The following NPR3 variants were observed in gnomAD, a reference collection of about 807,000 sequenced individuals.
The protein encoded by NPR3 is atrial natriuretic peptide receptor 3.
A neutral mutation model predicts 54.5 loss-of-function variants in NPR3; 34 were observed. The ratio of observed to expected loss-of-function variants is 0.62; its 90% CI spans 0.47 to 0.83. The LOEUF (loss-of-function observed/expected upper bound fraction) is 0.83, where lower values mean the gene tolerates loss of function less well. NPR3 is among the 40% of genes least tolerant of loss of function. The pLI is 0.00. For synonymous variants in NPR3, 289 were observed against 297.1 expected, an observed-to-expected ratio of 0.97 and a Z score of 0.28; for missense variants, 674 against 720.8, an observed-to-expected ratio of 0.94 and a Z score of 0.74.
In NPR3 at chr5:32,692,035, A is replaced by G. The variant is rs952431396; in HGVS notation, c.100+2849A>G. Reference sequence around the variant, plus strand: ...TACAGCATATATTAAACACATTAAGAAGAATCCTATGGAATGAAAGGAATG... The same window carrying G: ...TACAGCATATATTAAACACATTAAGGAGAATCCTATGGAATGAAAGGAATG... On this transcript the variant is annotated intron_variant, in intron 1 of 5. Coordinates refer to the NPR3 transcript ENST00000509104. Among the ~76,000 whole-genome samples the G allele has an allele frequency of 2.6e-5, 4 of 152,362 alleles. No homozygotes were observed. In the East Asian group the frequency reaches 7.7e-4, roughly 29 times the overall value.
At chr5:32,710,557 C>A (rs1579580963), upstream of NPR3, 7 of 1,308,986 alleles carry the variant, frequency 5.3e-6, no homozygotes, top group Non-Finnish European at 7.0e-6. Context: ...GGCACCGCTG[C>A]GATTCCAGCG....
At chr5:32,739,813 G>A (rs1357082802) in intron 3 of NPR3, among the ~76,000 whole-genome samples, 1 of 152,174 alleles carries the variant, frequency 6.6e-6, no homozygotes, top group Non-Finnish European at 1.5e-5. Context: ...TGGGCTAGTT[G>A]AGTAGGTGTG....
chr5:32,738,472 C>T (rs1441896590), intron 2 of NPR3, among the ~76,000 whole-genome samples: 1 of 152,164 alleles, frequency 6.6e-6, no homozygotes, highest in Non-Finnish European at 1.5e-5. Context: ...TTATACCACA[C>T]TAGCCACTTG....
intron 3 of NPR3, among the ~76,000 whole-genome samples, chr5:32,759,560 T>C (rs1316506704): frequency 1.3e-5 from 2 of 152,240 alleles, no homozygotes; most frequent in Non-Finnish European, 2.9e-5. Context: ...CTTTATCCAA[T>C]TTGCCAGTCT....
chr5:32,704,466 C>T (rs528536069), upstream of NPR3, among the ~76,000 whole-genome samples: 6 of 151,812 alleles, frequency 4.0e-5, no homozygotes, highest in Non-Finnish European at 2.9e-5. Context: ...ATTTAGCCAG[C>T]TTGCTCTGTC....
In NPR3 at chr5:32,712,021, G is replaced by T; in HGVS notation, c.245G>T (p.Ser82Ile). 6.2e-7 allele frequency: 1 copy of T among 1,613,718 alleles called. No homozygotes were observed. Among genetic ancestry groups the T allele is most frequent in the African/African-American group, 1.3e-5 (1 of 75,066 alleles). The part of the protein sequence containing the change: ...VRPAIEYALR[S>I]VEGNGTGRRL... ...CCGGCCATCGAGTATGCTCTGCGCA[G>T]CGTGGAGGGCAACGGGACTGGGAGG... The change falls in exon 1 of 8, where the codon AGC becomes ATC. Residue 82 changes from serine (S) to isoleucine (I), a missense_variant. Ser to Ile is a moderately radical substitution (Grantham distance 142, BLOSUM62 -2). Transcript: ENST00000265074.
At chr5:32,713,536 G>C (rs1018635099) in intron 1 of NPR3, 3 of 894,824 alleles carry the variant, frequency 3.4e-6, no homozygotes, top group South Asian at 1.0e-4. Context: ...AGGGAATCCC[G>C]TCTCTGCTCC....
intron 4 of NPR3, among the ~76,000 whole-genome samples, chr5:32,775,921 A>G (rs1260674467): frequency 6.6e-6 from 1 of 152,206 alleles, no homozygotes; most frequent in Non-Finnish European, 1.5e-5. Context: ...TCTCATCTCA[A>G]GCAACTTCTG....
intron 4 of NPR3, among the ~76,000 whole-genome samples, chr5:32,776,928 AC>A (rs1490995475): frequency 6.6e-6 from 1 of 152,028 alleles, no homozygotes; most frequent in Non-Finnish European, 1.5e-5. Flanking sequence ...TTGAGTAGAG[AC>A]CCGAGGGAAG....
chr5:32,718,752 A>C (rs6450924), intron 1 of NPR3, among the ~76,000 whole-genome samples: 33,237 of 152,102 alleles, frequency 0.22, 3,906 homozygotes, highest in Middle Eastern at 0.35. Context: ...TTTTGGGCTG[A>C]GACAATGGGG....
intron 2 of NPR3, among the ~76,000 whole-genome samples, chr5:32,725,474 A>G (rs1431238082): frequency 6.6e-6 from 1 of 152,202 alleles, no homozygotes; most frequent in Non-Finnish European, 1.5e-5. Context: ...CTGTCTGGGT[A>G]TGAGCGTAGC....
chr5:32,754,357 T>C (rs1241375768), intron 3 of NPR3, among the ~76,000 whole-genome samples: 1 of 152,018 alleles, frequency 6.6e-6, no homozygotes, highest in East Asian at 1.9e-4. Flanking sequence ...GTTTTTTTTT[T>C]CTTTTTTTAA....
At chr5:32,764,679 T>C (rs1263220849) in intron 3 of NPR3, among the ~76,000 whole-genome samples, 2 of 149,828 alleles carry the variant, frequency 1.3e-5, no homozygotes, top group Non-Finnish European at 3.0e-5. Flanking sequence ...TCCCAGCTAC[T>C]TGGGAGGCTG....
chr5:32,716,246 G>GA (rs1561079158), intron 1 of NPR3: 1 of 293,220 alleles, frequency 3.4e-6, no homozygotes, highest in South Asian at 3.2e-5. Context: ...TAGAAAGTGA[G>GA]AAAACTACAC....
In NPR3 at chr5:32,711,875, C is replaced by T. The variant is rs1239390735; in HGVS notation, c.99C>T (p.Gly33=). 1.6e-5 allele frequency: 24 copies of T among 1,459,016 alleles called. No homozygotes were observed. Among genetic ancestry groups the T allele is most frequent in the Admixed American group, 8.6e-5 (3 of 34,862 alleles). 90.4% of individuals were successfully genotyped at this position (1,459,016 alleles called of 1,614,324 possible). The change falls in exon 1 of 8, where the codon GGC becomes GGT. Residue 33 remains glycine (G), a synonymous_variant. Coordinates refer to ENST00000265074, the MANE Select transcript of NPR3 (RefSeq NM_001204375.2). ...GTGGCGGTGGCGTTGGCGGCGGCGG[C>T]GGTGGCGCGGGCATAGGCGGCGGAC... The part of the protein sequence containing the change: ...GTGGGGVGGG[G]GGAGIGGGRQ...
Position 32,712,154 on chromosome 5 carries a change from C to T in NPR3, c.378C>T (p.Ala126=). 3 of 1,613,310 alleles carry T rather than the reference C, an allele frequency of 1.9e-6. No homozygotes were observed. The highest frequency in any genetic ancestry group is 2.5e-6 in the Non-Finnish European group (3 of 1,179,778). Residue 126 remains alanine (A), a synonymous_variant, in exon 1 of 8, where the codon GCC becomes GCT. Coordinates refer to ENST00000265074, the MANE Select transcript of NPR3 (RefSeq NM_001204375.2). ...LVDRVAAARG[A]KPDLILGPVC... The stretch of plus-strand genomic sequence containing the variant: ...ACCGCGTGGCGGCGGCGCGGGGCGC[C>T]AAGCCAGACCTTATCCTGGGGCCAG...
At chr5:32,766,564 T>C (rs975402586) in intron 3 of NPR3, among the ~76,000 whole-genome samples, 2 of 152,184 alleles carry the variant, frequency 1.3e-5, no homozygotes, top group Non-Finnish European at 2.9e-5. Context: ...CCTGGAAAAT[T>C]TGCTTATTTG....
At chr5:32,719,787 T>C (rs74883423) in intron 1 of NPR3, among the ~76,000 whole-genome samples, 2 of 142,624 alleles carry the variant, frequency 1.4e-5, no homozygotes, top group African/African-American at 5.2e-5. Flanking sequence ...ATGTTGTTGT[T>C]GTTTTTTTTT....
chr5:32,726,175 C>A (rs769384245), intron 2 of NPR3, among the ~76,000 whole-genome samples: 17 of 152,148 alleles, frequency 1.1e-4, no homozygotes, highest in Non-Finnish European at 2.2e-4. Flanking sequence ...CTTCACTTCC[C>A]AGTTCTTGCT....
Sources: allele counts gnomAD v4.1 joint callset (sites outside exome capture counted in the v4.1 genomes callset), GRCh38; gene constraint gnomAD v4.1.1; transcripts MANE v1.5; gene names NCBI Gene and HGNC (gene_info 2026-07-23, HGNC 2026-07-21).